The following HELZ variants were observed in gnomAD, a reference collection of about 807,000 sequenced individuals.
HELZ encodes helicase with zinc finger, also known as ATP-dependent RNA helicase with zinc finger domain.
HELZ carries 23 observed loss-of-function variants against 218.2 expected under a neutral mutation model. The observed-to-expected ratio is 0.11, with a 90% CI of 0.08 to 0.15. HELZ has a LOEUF of 0.15. HELZ is among the 10% of genes least tolerant of loss of function. The pLI is 1.00. For missense variants in HELZ, 1,813 were observed against 2,353.7 expected, an observed-to-expected ratio of 0.77 and a Z score of 4.75; for synonymous variants, 814 against 829.4, an observed-to-expected ratio of 0.98 and a Z score of 0.32.
At chr17:67,217,580 C>T (rs181505555) in intron 4 of HELZ, among the ~76,000 whole-genome samples, 5 of 152,306 alleles carry the variant, frequency 3.3e-5, no homozygotes, top group Admixed American at 6.5e-5. Flanking sequence ...GTCTTTATCA[C>T]GAGCCAGCAG....
intron 17 of HELZ, 105 bp downstream of exon 17, chr17:67,160,156 C>A: frequency 1.4e-6 from 1 of 691,870 alleles, no homozygotes. Context: ...AATGTCAATG[C>A]ATAAAGACTT....
At chr17:67,154,751 A>AG (rs1189366365) in intron 17 of HELZ, among the ~76,000 whole-genome samples, 2 of 152,180 alleles carry the variant, frequency 1.3e-5, no homozygotes, top group African/African-American at 4.8e-5. Context: ...GTATTTGGTG[A>AG]GGGGGAAATT....
At chr17:67,232,079 T>G (rs2041053213) in intron 3 of HELZ, among the ~76,000 whole-genome samples, 1 of 150,706 alleles carries the variant, frequency 6.6e-6, no homozygotes, top group Non-Finnish European at 1.5e-5. Flanking sequence ...AAAAAAAGTT[T>G]ACTACAAAAA....
intron 10 of HELZ, 41 bp from the exon 11 acceptor site, chr17:67,189,737 A>C (rs2039846386): frequency 2.4e-6 from 3 of 1,267,976 alleles, no homozygotes; most frequent in Middle Eastern, 3.7e-4. Context: ...TTTATTGCTA[A>C]GGGCACAAAC....
chr17:67,160,349 T>C lies in HELZ; in HGVS notation c.2089A>G (p.Thr697Ala). 1 of 1,606,378 alleles carries C rather than the reference T, an allele frequency of 6.2e-7. No homozygotes were observed. Among genetic ancestry groups the C allele is most frequent in the Non-Finnish European group, 8.5e-7 (1 of 1,173,800 alleles). The change falls in exon 17 of 33, where the codon ACC (threonine) becomes GCC (alanine). Residue 697 changes from threonine to alanine, a missense_variant. By Grantham distance (58) the Thr-to-Ala change is moderately conservative. Coordinates refer to ENST00000358691, the MANE Select transcript of HELZ (RefSeq NM_014877.4). ...AGATCAGCAGCACTATTAGAATGGG[T>C]GCAAATGAGAATCCTGCTGAAATAA... ...QQQETRILIC[T>A]HSNSAADLYI...
chr17:67,141,046 C>T (rs1335013586), intron 21 of HELZ, among the ~76,000 whole-genome samples: 1 of 152,196 alleles, frequency 6.6e-6, no homozygotes, highest in Admixed American at 6.5e-5. Flanking sequence ...GAATTCCTCA[C>T]TTGCAGACTC....
chr17:67,143,812 G>A (rs1278499015), intron 21 of HELZ, among the ~76,000 whole-genome samples: 1 of 152,068 alleles, frequency 6.6e-6, no homozygotes, highest in Non-Finnish European at 1.5e-5. Flanking sequence ...GATGTACAAA[G>A]CACAAGATAC....
intron 13 of HELZ, among the ~76,000 whole-genome samples, chr17:67,173,919 A>G (rs9891840): frequency 0.087 from 13,249 of 152,282 alleles, 1,508 homozygotes; most frequent in African/African-American, 0.26. Flanking sequence ...CAATGACCCA[A>G]TGAGGCATGC....
intron 26 of HELZ, among the ~76,000 whole-genome samples, chr17:67,122,564 C>T (rs572596216): frequency 1.3e-5 from 2 of 151,720 alleles, no homozygotes; most frequent in South Asian, 4.2e-4. Context: ...AAAAATTAGC[C>T]GGACGTAGTG....
intron 15 of HELZ, among the ~76,000 whole-genome samples, chr17:67,162,734 ATT>A (rs11396536): frequency 2.7e-4 from 39 of 146,028 alleles, no homozygotes; most frequent in Non-Finnish European, 2.3e-4. Context: ...CTTATTGTTA[ATT>A]TTTTTTTTTT....
chr17:67,179,021 G>C (rs1598378392), intron 12 of HELZ, 95 bp from the exon 13 acceptor site: 1 of 813,212 alleles, frequency 1.2e-6, no homozygotes, highest in East Asian at 2.7e-5. Flanking sequence ...ATTTTTGTAT[G>C]AGAATTGTAT....
chr17:67,123,815 C>CTGTGTGTGTGTG (rs58616216), intron 25 of HELZ, 148 bp downstream of exon 25: 9,669 of 534,446 alleles, frequency 0.018, 77 homozygotes, highest in African/African-American at 0.034. Flanking sequence ...TCCAAAGTGA[C>CTGTGTGTGTGTG]TGTGTGTGTG....
At chr17:67,191,939 C>CA in intron 9 of HELZ, among the ~76,000 whole-genome samples, 1 of 151,910 alleles carries the variant, frequency 6.6e-6, no homozygotes, top group Non-Finnish European at 1.5e-5. Context: ...CACAGTGGCT[C>CA]ACGCCTGTAA....
chr17:67,166,465 C>T lies in HELZ; in HGVS notation c.1895+13G>A, dbSNP rs188178569. ...AACCTAACTTCCTTTAATAAGATAT[C>T]GCCTTTTTGTACCTGTTAGGACTCC... On this transcript the variant is annotated intron_variant, in intron 15 of 32. Coordinates refer to ENST00000358691, the MANE Select transcript of HELZ (RefSeq NM_014877.4). The T allele has an allele frequency of 1.1e-4, 173 of 1,601,062 alleles. No homozygotes were observed. The African/African-American group carries it at 1.7e-3, about 15-fold the overall frequency.
intron 31 of HELZ, among the ~76,000 whole-genome samples, chr17:67,088,619 C>T (rs1348697224): frequency 6.6e-6 from 1 of 152,194 alleles, no homozygotes; most frequent in Non-Finnish European, 1.5e-5. Context: ...TGAGTGCCTC[C>T]ATTTCCACAG....
chr17:67,127,849 A>AG (rs1485875730), intron 24 of HELZ, among the ~76,000 whole-genome samples: 2 of 152,238 alleles, frequency 1.3e-5, no homozygotes, highest in East Asian at 3.9e-4. Context: ...CTCAAAAAAA[A>AG]AAAAAAGATT....
At chr17:67,190,689 G>A (rs560090538) in intron 9 of HELZ, among the ~76,000 whole-genome samples, 119 of 152,174 alleles carry the variant, frequency 7.8e-4, no homozygotes, top group Admixed American at 1.3e-3. Flanking sequence ...TCCTCTTAGT[G>A]TAACTGGGTT....
chr17:67,188,468 G>A lies in HELZ; in HGVS notation c.1013C>T (p.Ala338Val). ...CACGTAATGATCTAATCCATTTTGG[G>A]CCATCTTTCCTCCTATCCATTCTTG... ...NCQEWIGGKM[A>V]QNGLDHYVYK... Residue 338 changes from alanine (A) to valine (V), a missense_variant, in exon 12 of 33, where the codon GCC becomes GTC. Transcript: ENST00000358691. The surrounding 1 kb of genome is among the most constrained non-coding windows in gnomAD (Gnocchi z 4.1). 6.2e-7 allele frequency: 1 copy of A among 1,613,822 alleles called. No homozygotes were observed. Among genetic ancestry groups the A allele is most frequent in the Non-Finnish European group, 8.5e-7 (1 of 1,179,840 alleles).
intron 31 of HELZ, among the ~76,000 whole-genome samples, chr17:67,088,479 G>GA (rs560144522): frequency 6.3e-4 from 96 of 152,328 alleles, no homozygotes; most frequent in African/African-American, 2.2e-3. Flanking sequence ...GGTAAGCACT[G>GA]AGAGTATTAA....
Sources: gnomAD v4.1 joint callset for allele counts (sites outside exome capture counted in the v4.1 genomes callset) on GRCh38, gnomAD v4.1.1 for gene constraint, Gnocchi (gnomAD v3.1) non-coding constraint, MANE v1.5 for transcripts, NCBI Gene and HGNC (gene_info 2026-07-23, HGNC 2026-07-21) for gene names.